The following MAD1L1 variants were observed in gnomAD, a reference collection of about 807,000 sequenced individuals.
MAD1L1 encodes mitotic arrest deficient 1 like 1.
MAD1L1 carries 95 observed loss-of-function variants against 96.9 expected under a neutral mutation model. The observed-to-expected ratio is 0.98, with a 90% CI of 0.83 to 1.16. The LOEUF (loss-of-function observed/expected upper bound fraction) is 1.16. MAD1L1 is among the 50% of genes most tolerant of loss of function. The pLI is 0.00. For missense variants in MAD1L1, 1,007 were observed against 954.4 expected (o/e 1.06, Z -0.73); for synonymous variants, 473 against 396.6 (o/e 1.19, Z -2.29).
intron 10 of MAD1L1, among the ~76,000 whole-genome samples, chr7:2,203,115 G>A (rs779568899): frequency 2.0e-5 from 3 of 152,128 alleles, no homozygotes; most frequent in Non-Finnish European, 2.9e-5. Context: ...CCCACCCGCC[G>A]GGATGGGAAG....
intron 11 of MAD1L1, among the ~76,000 whole-genome samples, chr7:2,105,712 G>A (rs965498469): frequency 7.9e-5 from 12 of 151,854 alleles, no homozygotes; most frequent in Admixed American, 2.0e-4. Flanking sequence ...CCTCACCCCC[G>A]CACGGTCCAG....
At chr7:1,897,852 T>C (rs962409770) in intron 18 of MAD1L1, among the ~76,000 whole-genome samples, 6 of 152,186 alleles carry the variant, frequency 3.9e-5, no homozygotes, top group Non-Finnish European at 7.3e-5. Flanking sequence ...ACTTCAGTCC[T>C]CCCCAGGCAC....
intron 18 of MAD1L1, chr7:1,847,693 C>G: frequency 2.1e-6 from 1 of 470,218 alleles, no homozygotes; most frequent in Non-Finnish European, 4.4e-6. Flanking sequence ...GGGGAGACCT[C>G]AGCTCTGGGC....
chr7:2,167,816 G>A (rs999824741), intron 10 of MAD1L1, among the ~76,000 whole-genome samples: 1 of 150,456 alleles, frequency 6.6e-6, no homozygotes, highest in Admixed American at 6.6e-5. Flanking sequence ...CAGGAGGATC[G>A]TGTAAGCCAG....
intron 14 of MAD1L1, among the ~76,000 whole-genome samples, chr7:1,994,752 G>C (rs1342618049): frequency 9.2e-5 from 14 of 152,320 alleles, no homozygotes; most frequent in Non-Finnish European, 2.1e-4. Context: ...CTGGAACCAG[G>C]AAGCCTCAGC....
chr7:1,981,864 T>G (rs1291186729), intron 14 of MAD1L1, among the ~76,000 whole-genome samples: 1 of 152,162 alleles, frequency 6.6e-6, no homozygotes, highest in East Asian at 1.9e-4. Flanking sequence ...TCACCATATG[T>G]TACATGTACT....
At chr7:2,199,530 A>T (rs1792170557) in intron 10 of MAD1L1, among the ~76,000 whole-genome samples, 1 of 152,252 alleles carries the variant, frequency 6.6e-6, no homozygotes, top group Admixed American at 6.5e-5. Context: ...TGGTTTTCTT[A>T]ATCATCTTAG....
chr7:2,164,593 TGGGG>T (rs11335779), intron 10 of MAD1L1, among the ~76,000 whole-genome samples: 1 of 79,546 alleles, frequency 1.3e-5, no homozygotes, highest in African/African-American at 6.7e-5. Context: ...GCAGGAAAAA[TGGGG>T]GGGGGGGGGG....
In MAD1L1 at chr7:1,968,078, T is replaced by C. The variant is rs546294329; in HGVS notation, c.1506-10359A>G. Among the ~76,000 whole-genome samples the C allele has an allele frequency of 8.5e-5, 13 of 152,330 alleles. 1 individual carries two copies. In the South Asian group the frequency reaches 1.9e-3, roughly 22 times the overall value. On this transcript the variant is annotated intron_variant, in intron 15 of 18. Coordinates refer to ENST00000265854, the MANE Select transcript of MAD1L1 (RefSeq NM_001013836.2). The surrounding 1 kb of genome is among the most constrained non-coding windows in gnomAD (Gnocchi z 5.6). Reference sequence around the variant, plus strand: ...CCCTCACAGAACTCCACATCATACATGTAGAACTCATCCCTCCAGAGGGGG... The same window carrying C: ...CCCTCACAGAACTCCACATCATACACGTAGAACTCATCCCTCCAGAGGGGG...
chr7:1,996,942 T>C (rs551325423), intron 14 of MAD1L1, among the ~76,000 whole-genome samples: 1 of 151,926 alleles, frequency 6.6e-6, no homozygotes, highest in African/African-American at 2.4e-5. Flanking sequence ...CTATAAAATA[T>C]TAGAGGATAT....
chr7:2,073,582 T>C (rs1433211075), intron 11 of MAD1L1, among the ~76,000 whole-genome samples: 2 of 152,240 alleles, frequency 1.3e-5, no homozygotes, highest in African/African-American at 4.8e-5. Flanking sequence ...TCCGCCACTC[T>C]CGCCTCTCGT....
chr7:2,211,991 C>T (rs1020987123), intron 10 of MAD1L1, among the ~76,000 whole-genome samples: 1 of 152,222 alleles, frequency 6.6e-6, no homozygotes, highest in Non-Finnish European at 1.5e-5. Context: ...GAGCCCCGGG[C>T]TCTGATGGCT....
intron 17 of MAD1L1, among the ~76,000 whole-genome samples, chr7:1,900,645 G>A (rs527818589): frequency 2.0e-5 from 3 of 152,290 alleles, no homozygotes; most frequent in East Asian, 1.9e-4. Flanking sequence ...GAATTGCCAC[G>A]TGCACAAGGA....
At chr7:1,992,828 C>T (rs896665653) in intron 14 of MAD1L1, among the ~76,000 whole-genome samples, 1 of 151,350 alleles carries the variant, frequency 6.6e-6, no homozygotes, top group African/African-American at 2.4e-5. Flanking sequence ...GGGAGGCAGG[C>T]GGCAGGGGCA....
intron 11 of MAD1L1, among the ~76,000 whole-genome samples, chr7:2,070,008 C>T (rs1785050349): frequency 6.8e-6 from 1 of 146,708 alleles, no homozygotes; most frequent in African/African-American, 2.4e-5. Flanking sequence ...ACGGCTCTCA[C>T]TAGACCCCTC....
intron 11 of MAD1L1, among the ~76,000 whole-genome samples, chr7:2,077,522 C>A (rs1785435563): frequency 6.6e-6 from 1 of 152,202 alleles, no homozygotes; most frequent in African/African-American, 2.4e-5. Context: ...AACAGCACTG[C>A]CACACAGGTG....
intron 14 of MAD1L1, among the ~76,000 whole-genome samples, chr7:1,995,743 AC>A (rs750333084): frequency 2.0e-5 from 3 of 152,150 alleles, no homozygotes; most frequent in Admixed American, 6.5e-5. Context: ...CGTGAACTGA[AC>A]AGGTTTCCAG....
At chr7:1,921,255 C>T (rs1788775801) in intron 17 of MAD1L1, among the ~76,000 whole-genome samples, 1 of 152,186 alleles carries the variant, frequency 6.6e-6, no homozygotes, top group African/African-American at 2.4e-5. Flanking sequence ...TAACCTATAA[C>T]TTCAGTGTAA....
intron 18 of MAD1L1, among the ~76,000 whole-genome samples, chr7:1,837,258 C>T (rs532952190): frequency 2.0e-5 from 3 of 152,276 alleles, no homozygotes; most frequent in Admixed American, 6.5e-5. Context: ...AATGAGACGC[C>T]GTCAGTCACC....
Sources: allele counts gnomAD v4.1 joint callset (sites outside exome capture counted in the v4.1 genomes callset), GRCh38; gene constraint gnomAD v4.1.1; non-coding constraint Gnocchi (gnomAD v3.1); transcripts MANE v1.5; gene names NCBI Gene and HGNC (gene_info 2026-07-23, HGNC 2026-07-21).